NHERF1: variants seen among roughly 807,000 people sequenced by gnomAD.
The protein encoded by NHERF1 is Na(+)/H(+) exchange regulatory cofactor NHE-RF1.
chr17:74,768,038 G>A, the NHERF1 span: 1 of 830,330 alleles, frequency 1.2e-6, no homozygotes, highest in Non-Finnish European at 2.1e-6. Context: ...CAGGGCATCA[G>A]TGCTACCTCT....
chr17:74,760,887 G>A, the NHERF1 span, among the ~76,000 whole-genome samples: 1 of 152,206 alleles, frequency 6.6e-6, no homozygotes, highest in African/African-American at 2.4e-5. This position sits in a 1 kb window ranked among gnomAD's most constrained non-coding sequence, Gnocchi z 4.5. Context: ...AACCTGGCTG[G>A]GAGCCTTGAC....
At chr17:74,763,175 GCTGA>G in the NHERF1 span, 78 of 558,710 alleles carry the variant, frequency 1.4e-4, no homozygotes, top group Non-Finnish European at 2.0e-4. Flanking sequence ...TGCCTCCCCA[GCTGA>G]CTGTCAATGG....
At chr17:74,753,615 G>A in the NHERF1 span, among the ~76,000 whole-genome samples, 1 of 151,984 alleles carries the variant, frequency 6.6e-6, no homozygotes, top group African/African-American at 2.4e-5. Context: ...CTGGCCGGGC[G>A]CAGTGACTTG....
the NHERF1 span, chr17:74,749,298 C>T: frequency 6.6e-7 from 1 of 1,525,870 alleles, no homozygotes; most frequent in African/African-American, 1.4e-5. The surrounding 1 kb of genome is among the most constrained non-coding windows in gnomAD (Gnocchi z 5.6). Context: ...GTAAGCGGGG[C>T]CCAAGCCGCG....
the NHERF1 span, among the ~76,000 whole-genome samples, chr17:74,749,534 C>A: frequency 2.0e-5 from 3 of 152,218 alleles, no homozygotes; most frequent in Non-Finnish European, 2.9e-5. The surrounding 1 kb of genome is among the most constrained non-coding windows in gnomAD (Gnocchi z 5.6). Flanking sequence ...CCGCCTGCAC[C>A]TCTTGTTCCC....
At chr17:74,768,319 C>T in the NHERF1 span, 20 of 1,378,550 alleles carry the variant, frequency 1.5e-5, no homozygotes, top group Non-Finnish European at 1.9e-5. Context: ...CACCAGCCTG[C>T]CTTTGAGGTC....
the NHERF1 span, among the ~76,000 whole-genome samples, chr17:74,750,291 C>T: frequency 6.6e-6 from 1 of 152,134 alleles, no homozygotes; most frequent in Non-Finnish European, 1.5e-5. Context: ...GCCTCCTGTC[C>T]CCAGAGAGTG....
At chr17:74,768,033 C>T in the NHERF1 span, 3 of 811,866 alleles carry the variant, frequency 3.7e-6, no homozygotes, top group Non-Finnish European at 6.7e-6. Flanking sequence ...GTGGCCAGGG[C>T]ATCAGTGCTA....
chr17:74,765,197 T>G, the NHERF1 span, among the ~76,000 whole-genome samples: 93 of 152,264 alleles, frequency 6.1e-4, 2 homozygotes, highest in South Asian at 0.01. Context: ...CCCTTGAGCC[T>G]TCTCGTCCCC....
the NHERF1 span, chr17:74,762,150 C>T: frequency 1.1e-5 from 18 of 1,613,980 alleles, no homozygotes; most frequent in South Asian, 5.5e-5. This position sits in a 1 kb window ranked among gnomAD's most constrained non-coding sequence, Gnocchi z 4.2. Context: ...TTCAGGGCTC[C>T]GGGCCCAGGA....
chr17:74,759,926 G>A, the NHERF1 span, among the ~76,000 whole-genome samples: 5 of 152,202 alleles, frequency 3.3e-5, no homozygotes, highest in African/African-American at 1.2e-4. Flanking sequence ...ACAAGCCCCA[G>A]TCAGGTTGTT....
chr17:74,748,799 GTCCCC>G, the NHERF1 span: 4 of 1,503,068 alleles, frequency 2.7e-6, no homozygotes, highest in Non-Finnish European at 1.8e-6. This position sits in a 1 kb window ranked among gnomAD's most constrained non-coding sequence, Gnocchi z 4.3. Context: ...GTCCCGTCCC[GTCCCC>G]ATCGGAACCC....
chr17:74,754,957 T>G, the NHERF1 span, among the ~76,000 whole-genome samples: 2 of 152,224 alleles, frequency 1.3e-5, no homozygotes, highest in Admixed American at 1.3e-4. Context: ...GGCCCCATTC[T>G]CTGCCTATGG....
chr17:74,766,594 C>CA, the NHERF1 span, among the ~76,000 whole-genome samples: 2 of 151,522 alleles, frequency 1.3e-5, no homozygotes, highest in Non-Finnish European at 2.9e-5. Flanking sequence ...TTTTATCACA[C>CA]AAAATCTTTG....
At chr17:74,748,650 T>TG in the NHERF1 span, 242 of 522,652 alleles carry the variant, frequency 4.6e-4, 3 homozygotes, top group South Asian at 6.4e-3. This position sits in a 1 kb window ranked among gnomAD's most constrained non-coding sequence, Gnocchi z 4.3. Context: ...GGGCGGGGAT[T>TG]GGTCTGTGGT....
At chr17:74,755,662 G>C in the NHERF1 span, among the ~76,000 whole-genome samples, 1 of 152,132 alleles carries the variant, frequency 6.6e-6, no homozygotes, top group African/African-American at 2.4e-5. Flanking sequence ...CTAAGGTCAG[G>C]GGAACAGCAA....
the NHERF1 span, among the ~76,000 whole-genome samples, chr17:74,757,279 A>T: frequency 6.6e-6 from 1 of 152,186 alleles, no homozygotes; most frequent in Non-Finnish European, 1.5e-5. Context: ...ACCAGACTCC[A>T]GGGAAAGCTC....
the NHERF1 span, among the ~76,000 whole-genome samples, chr17:74,756,298 A>AGACG: frequency 4.9e-5 from 1 of 20,532 alleles, no homozygotes; most frequent in Non-Finnish European, 1.1e-4. Context: ...TTTTTTTTTG[A>AGACG]GACGGAGCCT....
the NHERF1 span, among the ~76,000 whole-genome samples, chr17:74,757,821 G>T: frequency 6.6e-6 from 1 of 152,234 alleles, no homozygotes; most frequent in African/African-American, 2.4e-5. Context: ...TGTTGGGGCT[G>T]ATTTTCCTGT....
Sources: gnomAD v4.1 joint callset for allele counts (sites outside exome capture counted in the v4.1 genomes callset) on GRCh38, gnomAD v4.1.1 for gene constraint, Gnocchi (gnomAD v3.1) non-coding constraint, MANE v1.5 for transcripts, NCBI Gene and HGNC (gene_info 2026-07-23, HGNC 2026-07-21) for gene names.